Variants in MGAT4A observed in about 807,000 individuals in gnomAD.
MGAT4A encodes the protein N-acetylglucosaminyltransferase IVa.
MGAT4A carries 33 observed loss-of-function variants against 74.1 expected under a neutral mutation model. That is an observed-to-expected ratio of 0.45 (90% CI 0.34 to 0.60). MGAT4A has a LOEUF of 0.60. Ranked by LOEUF, MGAT4A falls within the 20% of genes least tolerant of loss-of-function variation. MGAT4A has a pLI of 0.02. For missense variants in MGAT4A, 479 were observed against 628.3 expected, an observed-to-expected ratio of 0.76 and a Z score of 2.54; for synonymous variants, 198 against 210.4, an observed-to-expected ratio of 0.94 and a Z score of 0.51.
rs914394871 is a variant in MGAT4A, at chr2:98,624,922, C to T, written c.*644G>A. The T allele has an allele frequency of 3.0e-6, 3 of 984,400 alleles. No individual in the cohort carries two copies. The highest frequency in any genetic ancestry group is 1.7e-5 in the African/African-American group (1 of 57,168). The allele number at this position is 984,400 out of a possible 1,614,324, so 61.0% of individuals were successfully genotyped here. A position where few individuals can be genotyped will look rare whatever the true frequency, so the allele number is the denominator to read the frequency against. On this transcript the variant is annotated 3_prime_UTR_variant, in exon 16 of 16. Transcript: ENST00000393487. ...TTCAGTCACTGTGATTATAAAAGTACTTCAATTAAGAAATCCATCTATAAT... is the reference window on the plus strand; with the variant it reads ...TTCAGTCACTGTGATTATAAAAGTATTTCAATTAAGAAATCCATCTATAAT...
intron 2 of MGAT4A, among the ~76,000 whole-genome samples, chr2:98,710,261 T>C (rs1702497379): frequency 6.6e-6 from 1 of 152,122 alleles, no homozygotes; most frequent in Non-Finnish European, 1.5e-5. Flanking sequence ...CTTTCAAGGA[T>C]GTCAGGGGAG....
intron 8 of MGAT4A, among the ~76,000 whole-genome samples, chr2:98,652,119 A>T (rs1044241188): frequency 4.6e-5 from 7 of 152,170 alleles, no homozygotes. Flanking sequence ...CAATAATACT[A>T]GGGGGTTTCA....
At position 98,620,231 on chromosome 2, in the gene MGAT4A, A is replaced by C. The variant is rs1489402798; in HGVS notation, c.*5335T>G. 1 of 152,252 alleles carries C rather than the reference A, an allele frequency of 6.6e-6. No individual in the cohort carries two copies. Among genetic ancestry groups the C allele is most frequent in the Non-Finnish European group, 1.5e-5 (1 of 68,048 alleles). The allele number at this position is 152,252 out of a possible 1,614,324, so 9.4% of individuals were successfully genotyped here. ...ATGATCACATGCATTAAAGAAAGTA[A>C]GCATACTAGTTATCGTAGCATATAA... On this transcript the variant is annotated 3_prime_UTR_variant, in exon 16 of 16. Transcript: ENST00000393487.
At chr2:98,717,548 A>C (rs149151262) in intron 2 of MGAT4A, among the ~76,000 whole-genome samples, 36 of 152,324 alleles carry the variant, frequency 2.4e-4, no homozygotes, top group African/African-American at 8.2e-4. Context: ...ATTTTAAATC[A>C]AAATTAATCT....
Position 98,656,476 on chromosome 2 carries a change from AAAG to A in MGAT4A, c.585-14_585-12del. On this transcript the variant is annotated splice_polypyrimidine_tract_variant and intron_variant, in intron 6 of 15. Transcript: ENST00000393487. ...ATTTCTTTAGAAAATCTATTATGAG[AAAG>A]TTAGCTGAGTTACTTAAGTTCTGTG... 6.4e-7 allele frequency: 1 copy of A among 1,551,998 alleles called. No individual in the cohort carries two copies.
At chr2:98,678,249 AAT>A (rs1553538281) in intron 3 of MGAT4A, 53 bp downstream of exon 3, 424 of 263,194 alleles carry the variant, frequency 1.6e-3, no homozygotes, top group Middle Eastern at 1.9e-3. Flanking sequence ...AAAAAAAAAA[AAT>A]ATATATATAT....
In MGAT4A at chr2:98,622,631, T is replaced by C; in HGVS notation, c.*2935A>G. 5 of 985,534 alleles carry C rather than the reference T, an allele frequency of 5.1e-6. No homozygotes were observed. The highest frequency in any genetic ancestry group is 6.0e-6 in the Non-Finnish European group (5 of 830,050). The allele number at this position is 985,534 out of a possible 1,614,324, so 61.0% of individuals were successfully genotyped here. On this transcript the variant is annotated 3_prime_UTR_variant, in exon 16 of 16. Coordinates refer to ENST00000393487, the MANE Select transcript of MGAT4A (RefSeq NM_012214.3). The stretch of plus-strand genomic sequence containing the variant: ...TGCTTGGGGAAAGGATGGCTGCTTC[T>C]ACTAGTTGAGTGCAGAACTGGGCAG...
At chr2:98,724,940 T>C (rs1408210176) in intron 2 of MGAT4A, among the ~76,000 whole-genome samples, 1 of 152,234 alleles carries the variant, frequency 6.6e-6, no homozygotes, top group Non-Finnish European at 1.5e-5. Context: ...CCGGGCATGA[T>C]GGCCTGCGCC....
intron 4 of MGAT4A, among the ~76,000 whole-genome samples, chr2:98,672,962 T>C (rs985316251): frequency 2.0e-5 from 3 of 152,218 alleles, no homozygotes; most frequent in African/African-American, 4.8e-5. Flanking sequence ...TTCTTTAGTA[T>C]TAAGTCATTC....
At chr2:98,642,722 T>C (rs1701428278) in intron 10 of MGAT4A, among the ~76,000 whole-genome samples, 1 of 152,218 alleles carries the variant, frequency 6.6e-6, no homozygotes, top group African/African-American at 2.4e-5. Flanking sequence ...GCATAAGGAC[T>C]GAGATCTCTA....
chr2:98,654,120 T>C (rs1473618461), intron 8 of MGAT4A, among the ~76,000 whole-genome samples: 2 of 151,950 alleles, frequency 1.3e-5, no homozygotes. Context: ...ACTTTCTTGA[T>C]TAAAAAAAAT....
chr2:98,621,869 T>C lies in MGAT4A; in HGVS notation c.*3697A>G. The C allele has an allele frequency of 9.9e-7, 1 of 1,006,690 alleles. No individual in the cohort carries two copies. The highest frequency in any genetic ancestry group is 1.2e-6 in the Non-Finnish European group (1 of 843,600). The allele number at this position is 1,006,690 out of a possible 1,614,324, so 62.4% of individuals were successfully genotyped here. A position where few individuals can be genotyped will look rare whatever the true frequency, so the allele number is the denominator to read the frequency against. On this transcript the variant is annotated 3_prime_UTR_variant, in exon 16 of 16. Coordinates refer to ENST00000393487, the MANE Select transcript of MGAT4A (RefSeq NM_012214.3). ...ACAACACCTTCTAATTATTGACTAGTGCAACCACTGATTTGAGAAGATACA... is the reference window on the plus strand; with the variant it reads ...ACAACACCTTCTAATTATTGACTAGCGCAACCACTGATTTGAGAAGATACA...
intron 2 of MGAT4A, among the ~76,000 whole-genome samples, chr2:98,723,583 A>G (rs578005024): frequency 6.6e-6 from 1 of 152,286 alleles, no homozygotes; most frequent in South Asian, 2.1e-4. Flanking sequence ...ACCTTGCAGT[A>G]CTGTGATTAC....
At chr2:98,717,216 C>T (rs2104331537) in intron 2 of MGAT4A, among the ~76,000 whole-genome samples, 1 of 152,148 alleles carries the variant, frequency 6.6e-6, no homozygotes, top group African/African-American at 2.4e-5. Context: ...CCCATCTCTA[C>T]TAAAAATACA....
rs1198950503 is a variant in MGAT4A at position 98,619,883 on chromosome 2, A to G, written c.*5683T>C. 1.3e-5 allele frequency: 2 copies of G among 152,246 alleles called. No individual in the cohort carries two copies. The highest frequency in any genetic ancestry group is 6.5e-5 in the Admixed American group (1 of 15,292). The allele number at this position is 152,246 out of a possible 1,614,324, so 9.4% of individuals were successfully genotyped here. ...CACAACAAACAATCTTCATTTCAGA[A>G]CAATTTTAGCACCACTTTTTTTTTT... On this transcript the variant is annotated 3_prime_UTR_variant, in exon 16 of 16. Coordinates refer to ENST00000393487, the MANE Select transcript of MGAT4A (RefSeq NM_012214.3).
intron 14 of MGAT4A, among the ~76,000 whole-genome samples, chr2:98,627,618 C>A (rs1263217734): frequency 6.6e-6 from 1 of 152,208 alleles, no homozygotes; most frequent in Non-Finnish European, 1.5e-5. Context: ...TCAAGTGATC[C>A]ACCTGCCTCG....
At chr2:98,719,788 CAG>C (rs1243663029) in intron 2 of MGAT4A, among the ~76,000 whole-genome samples, 3 of 152,282 alleles carry the variant, frequency 2.0e-5, no homozygotes, top group African/African-American at 7.2e-5. Flanking sequence ...GCTGGGATTA[CAG>C]GTGCCCACCA....
chr2:98,685,907 G>A (rs981643471), intron 2 of MGAT4A, among the ~76,000 whole-genome samples: 4 of 152,186 alleles, frequency 2.6e-5, no homozygotes, highest in Middle Eastern at 3.4e-3. Context: ...CATTGTCCTC[G>A]GGGTAGTTCT....
intron 13 of MGAT4A, among the ~76,000 whole-genome samples, chr2:98,636,155 G>C (rs2104227357): frequency 6.6e-6 from 1 of 151,860 alleles, no homozygotes; most frequent in African/African-American, 2.4e-5. Flanking sequence ...ACGATTCCTG[G>C]CTAATTTTTG....
Sources: allele counts gnomAD v4.1 joint callset (sites outside exome capture counted in the v4.1 genomes callset), GRCh38; gene constraint gnomAD v4.1.1; transcripts MANE v1.5; gene names NCBI Gene and HGNC (gene_info 2026-07-23, HGNC 2026-07-21).